FNIP1: variants seen among roughly 807,000 people sequenced by gnomAD.
The protein encoded by FNIP1 is folliculin interacting protein 1.
A neutral mutation model predicts 124.5 loss-of-function variants in FNIP1; 40 were observed. The observed-to-expected ratio is 0.32, with a 90% confidence interval of 0.25 to 0.42. The LOEUF (loss-of-function observed/expected upper bound fraction) is 0.42, where lower values mean the gene tolerates loss of function less well. FNIP1 is among the 10% of genes least tolerant of loss of function. FNIP1 has a pLI of 1.00. For missense variants in FNIP1, 1,176 were observed against 1,403.7 expected, an observed-to-expected ratio of 0.84 and a Z score of 2.59; for synonymous variants, 472 against 470.6, an observed-to-expected ratio of 1.00 and a Z score of -0.04.
intron 9 of FNIP1, 39 bp downstream of exon 9, chr5:131,706,372 A>T: frequency 6.5e-7 from 1 of 1,530,094 alleles, no homozygotes; most frequent in Non-Finnish European, 8.8e-7. Flanking sequence ...TGTTTAAGGA[A>T]CTACTCAATC....
At chr5:131,756,449 G>A (rs771146475) in intron 1 of FNIP1, among the ~76,000 whole-genome samples, 71 of 152,200 alleles carry the variant, frequency 4.7e-4, no homozygotes, top group Middle Eastern at 3.4e-3. Context: ...ATACACAGGT[G>A]TATAATATAA....
rs114521819 is a variant in FNIP1, at chr5:131,690,933, A to G, written c.1202+7984T>C. 2.5e-3 allele frequency among the ~76,000 whole-genome samples: 386 copies of G among 152,342 alleles called. 1 individual carries two copies. The highest frequency in any genetic ancestry group is 8.9e-3 in the African/African-American group (369 of 41,586). On this transcript the variant is annotated intron_variant, in intron 11 of 17. Transcript: ENST00000510461. ...TTAGAAACTTCAACACTCCTCTATC[A>G]GTAAATGACGTATCCATCAGGCGGA...
Position 131,744,577 on chromosome 5 carries a change from T to A in FNIP1, c.206A>T (p.Asp69Val). 1 of 1,604,150 alleles carries A rather than the reference T, an allele frequency of 6.2e-7. No individual in the cohort carries two copies. Among genetic ancestry groups the A allele is most frequent in the Non-Finnish European group, 8.5e-7 (1 of 1,175,006 alleles). ...AATGATGCTCACCGATACTGATATG[T>A]CCTCATTTCTTCTCTTAACACTGGA... ...FDSSVKRRNE[D>V]ISVSKLGSDA... Residue 69 changes from aspartate to valine, a missense_variant, in exon 2 of 18, where the codon GAC (aspartate) becomes GTC (valine). Transcript: ENST00000510461.
At chr5:131,759,996 C>A (rs1378929149) in intron 1 of FNIP1, among the ~76,000 whole-genome samples, 1 of 152,178 alleles carries the variant, frequency 6.6e-6, no homozygotes. Context: ...AACAGAAAAC[C>A]AAATACCACA....
intron 2 of FNIP1, among the ~76,000 whole-genome samples, chr5:131,739,244 A>T (rs1770423487): frequency 6.6e-6 from 1 of 152,196 alleles, no homozygotes; most frequent in Admixed American, 6.5e-5. Flanking sequence ...ACACTGTAAG[A>T]TATGAATCCA....
chr5:131,686,637 T>TCCA (rs1178427571), intron 11 of FNIP1, among the ~76,000 whole-genome samples: 4 of 152,196 alleles, frequency 2.6e-5, no homozygotes, highest in African/African-American at 9.6e-5. Context: ...AAATGGGGTA[T>TCCA]CCACCATCTT....
In FNIP1 at chr5:131,781,833, A is replaced by C. The variant is rs78808306; in HGVS notation, c.92+14997T>G. Among the ~76,000 whole-genome samples the C allele has an allele frequency of 6.8e-3, 1,034 of 152,292 alleles. 6 individuals are homozygous for C. The highest frequency in any genetic ancestry group is 8.7e-3 in the Non-Finnish European group (593 of 68,016). On this transcript the variant is annotated intron_variant, in intron 1 of 17. Coordinates refer to ENST00000510461, the MANE Select transcript of FNIP1 (RefSeq NM_133372.3). Reference sequence around the variant, plus strand: ...GACTTTCAAGTCTTACTAATTAAGAAATACATTTTAGGAAAAAGAAAAAAA... The same window carrying C: ...GACTTTCAAGTCTTACTAATTAAGACATACATTTTAGGAAAAAGAAAAAAA...
chr5:131,792,621 A>C (rs1425807315), intron 1 of FNIP1, among the ~76,000 whole-genome samples: 2 of 152,246 alleles, frequency 1.3e-5, no homozygotes, highest in Non-Finnish European at 2.9e-5. Flanking sequence ...GAGCATCTCT[A>C]GTCCAAAATT....
chr5:131,794,815 A>G (rs533734477), intron 1 of FNIP1, among the ~76,000 whole-genome samples: 1 of 152,208 alleles, frequency 6.6e-6, no homozygotes, highest in African/African-American at 2.4e-5. Flanking sequence ...TGCAACAAAC[A>G]AGACAGACAC....
intron 1 of FNIP1, among the ~76,000 whole-genome samples, chr5:131,769,943 T>A (rs927492321): frequency 6.6e-6 from 1 of 152,222 alleles, no homozygotes; most frequent in African/African-American, 2.4e-5. Context: ...ATGTATTTTT[T>A]AAGGATGCTT....
intron 3 of FNIP1, among the ~76,000 whole-genome samples, chr5:131,721,018 T>A (rs1475069165): frequency 6.6e-6 from 1 of 152,212 alleles, no homozygotes; most frequent in Non-Finnish European, 1.5e-5. Context: ...CTCAAAGAGA[T>A]GTTAGCACTC....
Position 131,709,219 on chromosome 5 carries a change from T to A in FNIP1, c.760A>T (p.Ser254Cys), listed in dbSNP as rs973088476. 6.2e-7 allele frequency: 1 copy of A among 1,613,668 alleles called. No homozygotes were observed. Among genetic ancestry groups the A allele is most frequent in the African/African-American group, 1.3e-5 (1 of 74,924 alleles). The part of the protein sequence containing the change: ...PGRELNEDRD[S>C]GIARSASLSS... Reference sequence around the variant, plus strand: ...ACATTACCAGACCGTGCTATGCCACTGTCTCTGTCCTCATTGAGCTCTCTT... The same window carrying A: ...ACATTACCAGACCGTGCTATGCCACAGTCTCTGTCCTCATTGAGCTCTCTT... Residue 254 changes from serine to cysteine, a missense_variant, in exon 8 of 18, where the codon AGT (serine) becomes TGT (cysteine). Ser to Cys is a moderately radical substitution (Grantham distance 112, BLOSUM62 -1). Around this residue, in one of 2 missense-constraint regions of FNIP1, gnomAD observed 1,109 missense variants for 1,288.5 expected, o/e 0.86. Coordinates refer to ENST00000510461, the MANE Select transcript of FNIP1 (RefSeq NM_133372.3).
intron 1 of FNIP1, among the ~76,000 whole-genome samples, chr5:131,794,828 G>C (rs1161750172): frequency 1.3e-5 from 2 of 152,188 alleles, no homozygotes; most frequent in African/African-American, 4.8e-5. Context: ...ACAGACACAA[G>C]ACTATGACAG....
At chr5:131,742,446 G>C (rs1770543976) in intron 2 of FNIP1, among the ~76,000 whole-genome samples, 2 of 152,218 alleles carry the variant, frequency 1.3e-5, no homozygotes, top group Non-Finnish European at 1.5e-5. Context: ...CTGGGCGAGA[G>C]AGCGAGACCC....
intron 6 of FNIP1, among the ~76,000 whole-genome samples, chr5:131,711,819 C>A (rs1345396047): frequency 6.6e-6 from 1 of 152,178 alleles, no homozygotes; most frequent in Non-Finnish European, 1.5e-5. Context: ...AAATTGCTAA[C>A]AGATATTATT....
intron 2 of FNIP1, among the ~76,000 whole-genome samples, chr5:131,738,715 A>G (rs185718474): frequency 6.6e-6 from 1 of 151,676 alleles, no homozygotes; most frequent in African/African-American, 2.4e-5. Context: ...CACGTTGGCC[A>G]GGCTGGTCTT....
At chr5:131,767,717 T>C (rs1365650117) in intron 1 of FNIP1, among the ~76,000 whole-genome samples, 1 of 152,140 alleles carries the variant, frequency 6.6e-6, no homozygotes, top group Non-Finnish European at 1.5e-5. Context: ...CCTGTATATA[T>C]AGTAATCATT....
At chr5:131,790,587 T>A (rs1293207449) in intron 1 of FNIP1, among the ~76,000 whole-genome samples, 1 of 151,396 alleles carries the variant, frequency 6.6e-6, no homozygotes, top group Non-Finnish European at 1.5e-5. Flanking sequence ...GAGTTCTGAC[T>A]ATAAAATAAA....
intron 10 of FNIP1, among the ~76,000 whole-genome samples, chr5:131,700,946 A>G (rs1580767326): frequency 6.6e-6 from 1 of 152,230 alleles, no homozygotes; most frequent in East Asian, 1.9e-4. Flanking sequence ...ACAATTGAAC[A>G]AATATCCAAA....
Sources: gnomAD v4.1 joint callset for allele counts (sites outside exome capture counted in the v4.1 genomes callset) on GRCh38, gnomAD v4.1.1 for gene constraint, gnomAD v4.1.1 regional missense constraint, MANE v1.5 for transcripts, NCBI Gene and HGNC (gene_info 2026-07-23, HGNC 2026-07-21) for gene names.